CSMD1: variants seen among roughly 807,000 people sequenced by gnomAD.
CSMD1 encodes the protein CUB and sushi domain-containing protein 1.
In CSMD1, 213 loss-of-function variants were observed where a neutral mutation model predicts 417.5. The ratio of observed to expected loss-of-function variants is 0.51; its 90% CI spans 0.46 to 0.57. The LOEUF (loss-of-function observed/expected upper bound fraction) is 0.57. Among genes scored for constraint, CSMD1 ranks in the 20% least tolerant of loss-of-function variants. The pLI is 0.00. For missense variants in CSMD1, 6,923 were observed against 4,529.7 expected (o/e 1.53, Z -15.17); for synonymous variants, 2,862 against 1,736.8 (o/e 1.65, Z -16.11).
intron 21 of CSMD1, among the ~76,000 whole-genome samples, chr8:3,356,270 G>A (rs1044285692): frequency 6.6e-6 from 1 of 152,200 alleles, no homozygotes; most frequent in Non-Finnish European, 1.5e-5. Context: ...TTTTTGAGAT[G>A]AAAAGAGAAC....
chr8:3,466,504 G>A (rs552848306), intron 12 of CSMD1, among the ~76,000 whole-genome samples: 10 of 151,980 alleles, frequency 6.6e-5, no homozygotes, highest in African/African-American at 1.9e-4. Flanking sequence ...CCACTACCCG[G>A]GTTCAAGCGA....
chr8:4,377,305 C>A (rs1478830961), intron 3 of CSMD1, among the ~76,000 whole-genome samples: 1 of 152,110 alleles, frequency 6.6e-6, no homozygotes, highest in Non-Finnish European at 1.5e-5. Context: ...GGAGAAGTCA[C>A]CACAGCCCAA....
intron 5 of CSMD1, among the ~76,000 whole-genome samples, chr8:3,868,236 G>C (rs1030751744): frequency 2.0e-5 from 3 of 152,068 alleles, no homozygotes; most frequent in Admixed American, 6.6e-5. Context: ...AGGATGGGGG[G>C]GCATCTCCAT....
At chr8:3,992,628 G>A (rs1302170534) in intron 5 of CSMD1, among the ~76,000 whole-genome samples, 2 of 152,070 alleles carry the variant, frequency 1.3e-5, no homozygotes, top group Non-Finnish European at 2.9e-5. Flanking sequence ...TACAAAAAAT[G>A]TTTTAAAAAT....
In CSMD1 at chr8:4,100,574, A is replaced by G. The variant is rs574331205; in HGVS notation, c.416-68475T>C. Among the ~76,000 whole-genome samples the G allele has an allele frequency of 5.3e-5, 8 of 152,352 alleles. No individual in the cohort carries two copies. In the South Asian group the frequency reaches 1.7e-3, roughly 32 times the overall value. ...TCAAAGAATGTATAAAGAGAACAGC[A>G]TCACCTGGGAGGTGGTAAGAGCTCA... On this transcript the variant is annotated intron_variant, in intron 3 of 69. Coordinates refer to ENST00000635120, the MANE Select transcript of CSMD1 (RefSeq NM_033225.6).
chr8:4,964,429 G>C (rs532149033), intron 1 of CSMD1, among the ~76,000 whole-genome samples: 8 of 129,172 alleles, frequency 6.2e-5, no homozygotes, highest in Non-Finnish European at 1.1e-4. Context: ...TGAGGTGGGA[G>C]AATCACCTGA....
chr8:3,695,376 C>T (rs1276717410), intron 7 of CSMD1, among the ~76,000 whole-genome samples: 1 of 151,846 alleles, frequency 6.6e-6, no homozygotes, highest in African/African-American at 2.4e-5. Flanking sequence ...AATAATGACT[C>T]AACGTGTCCT....
At chr8:4,053,715 A>T (rs72624073) in intron 3 of CSMD1, among the ~76,000 whole-genome samples, 17,329 of 152,096 alleles carry the variant, frequency 0.11, 1,508 homozygotes, top group East Asian at 0.35. Flanking sequence ...CAGTAGGAGG[A>T]AAATGCTCCA....
intron 1 of CSMD1, among the ~76,000 whole-genome samples, chr8:4,871,076 G>T (rs567622398): frequency 3.2e-4 from 48 of 152,152 alleles, no homozygotes; most frequent in Non-Finnish European, 2.8e-4. Flanking sequence ...AGTTGCAACA[G>T]CTCTGGCCTG....
At chr8:3,291,107 G>C (rs1253282207) in intron 25 of CSMD1, among the ~76,000 whole-genome samples, 1 of 152,170 alleles carries the variant, frequency 6.6e-6, no homozygotes, top group East Asian at 1.9e-4. Flanking sequence ...CGTTGGTTCT[G>C]TTTATATGCT....
At chr8:3,271,310 T>C (rs1180100583) in intron 26 of CSMD1, among the ~76,000 whole-genome samples, 1 of 152,010 alleles carries the variant, frequency 6.6e-6, no homozygotes, top group Non-Finnish European at 1.5e-5. Context: ...TGCCACATTT[T>C]CTTAATCCAG....
intron 1 of CSMD1, among the ~76,000 whole-genome samples, chr8:4,690,672 G>A (rs1324837011): frequency 1.3e-5 from 2 of 152,078 alleles, no homozygotes; most frequent in African/African-American, 2.4e-5. Context: ...CATTTCAGCA[G>A]GATTTTATGA....
intron 5 of CSMD1, among the ~76,000 whole-genome samples, chr8:3,772,189 TAC>T (rs66499504): frequency 0.46 from 45,969 of 100,854 alleles, 14,159 homozygotes; most frequent in Non-Finnish European, 0.49. Context: ...TATATATATA[TAC>T]ACACACACAC....
chr8:4,066,758 G>A (rs940577568), intron 3 of CSMD1, among the ~76,000 whole-genome samples: 1 of 152,116 alleles, frequency 6.6e-6, no homozygotes, highest in East Asian at 1.9e-4. Flanking sequence ...CAAACCACAA[G>A]CAAATACGGA....
chr8:4,327,350 G>C (rs1285288316), intron 3 of CSMD1, among the ~76,000 whole-genome samples: 1 of 152,162 alleles, frequency 6.6e-6, no homozygotes, highest in African/African-American at 2.4e-5. Flanking sequence ...AATAGGCAGA[G>C]AGTTAAAAGA....
chr8:3,081,332 C>T (rs144495840), intron 49 of CSMD1, among the ~76,000 whole-genome samples: 2,890 of 152,200 alleles, frequency 0.019, 35 homozygotes, highest in East Asian at 0.037. Flanking sequence ...TAAGAATAAA[C>T]GGACTGCTTT....
intron 5 of CSMD1, among the ~76,000 whole-genome samples, chr8:3,988,604 A>G (rs891468042): frequency 6.6e-6 from 1 of 152,316 alleles, no homozygotes; most frequent in East Asian, 1.9e-4. Context: ...TCCTGTGCAC[A>G]TGACAGCTGG....
chr8:3,289,461 A>C (rs912850389), intron 25 of CSMD1, among the ~76,000 whole-genome samples: 1 of 147,272 alleles, frequency 6.8e-6, no homozygotes, highest in Non-Finnish European at 1.5e-5. Flanking sequence ...AAGTGTTCCT[A>C]TTTCTCCATA....
chr8:4,914,018 G>C (rs914843928), intron 1 of CSMD1, among the ~76,000 whole-genome samples: 1 of 152,242 alleles, frequency 6.6e-6, no homozygotes, highest in Non-Finnish European at 1.5e-5. Flanking sequence ...GTGTGATGCT[G>C]CAGTTTCTTA....
Sources: allele counts gnomAD v4.1 joint callset (sites outside exome capture counted in the v4.1 genomes callset), GRCh38; gene constraint gnomAD v4.1.1; transcripts MANE v1.5; gene names NCBI Gene and HGNC (gene_info 2026-07-23, HGNC 2026-07-21).